LRRC4C: variants seen among roughly 807,000 people sequenced by gnomAD.
LRRC4C encodes the protein leucine-rich repeat-containing protein 4C.
In LRRC4C, 5 loss-of-function variants were observed where a neutral mutation model predicts 33.6. That is an observed-to-expected ratio of 0.15 (90% confidence interval 0.08 to 0.31). The LOEUF is 0.31. Ranked by LOEUF, LRRC4C falls within the 10% of genes least tolerant of loss-of-function variation. LRRC4C has a pLI of 1.00. For missense variants in LRRC4C, 560 were observed against 796.7 expected (o/e 0.70, Z 3.58); for synonymous variants, 329 against 302.0 (o/e 1.09, Z -0.93).
At position 40,436,967 on chromosome 11, in the gene LRRC4C, G is replaced by A. The variant is rs549759708; in HGVS notation, c.-269-117246C>T. Among the ~76,000 whole-genome samples, 10 of 152,280 alleles carry A rather than the reference G, an allele frequency of 6.6e-5. No homozygotes were observed. The South Asian group carries it at 8.3e-4, about 13-fold the overall frequency. On this transcript the variant is annotated intron_variant, in intron 3 of 6. Transcript: ENST00000528697. ...AGAGGTGGTTTGGGATCAGTAGTTC[G>A]AGCTCGGGGGAGGATGGTCCACTTT...
chr11:41,354,781 G>A (rs1032339173), intron 1 of LRRC4C, among the ~76,000 whole-genome samples: 7 of 152,030 alleles, frequency 4.6e-5, no homozygotes, highest in African/African-American at 1.7e-4. Context: ...AATAAATAAT[G>A]GAATAACTGG....
intron 3 of LRRC4C, among the ~76,000 whole-genome samples, chr11:40,359,549 T>C (rs990597835): frequency 2.0e-4 from 30 of 152,168 alleles, no homozygotes; most frequent in African/African-American, 7.2e-4. Flanking sequence ...CTGGTCCTTA[T>C]CTCATGACTA....
At chr11:40,869,548 G>A (rs1423719782) in intron 2 of LRRC4C, among the ~76,000 whole-genome samples, 3 of 152,084 alleles carry the variant, frequency 2.0e-5, no homozygotes, top group Non-Finnish European at 4.4e-5. Flanking sequence ...GCTCAAGCAC[G>A]TTCACTAAAA....
chr11:40,115,624 C>T lies in LRRC4C; in HGVS notation c.669G>A (p.Glu223=), dbSNP rs1590405981. ...PNLTPLIKLD[E]LDLSGNHLSA... is the part of the protein sequence containing the mutation. The stretch of plus-strand genomic sequence containing the variant: ...ATAAATGATTCCCAGAAAGATCCAG[C>T]TCATCTAGTTTTATGAGCGGTGTGA... Residue 223 remains glutamate (E), a synonymous_variant, in exon 7 of 7, where the codon GAG becomes GAA. Transcript: ENST00000528697. The surrounding 1 kb of genome is among the most constrained non-coding windows in gnomAD (Gnocchi z 6.7). 2.5e-6 allele frequency: 4 copies of T among 1,614,192 alleles called. No individual in the cohort carries two copies. Among genetic ancestry groups the T allele is most frequent in the South Asian group, 1.1e-5 (1 of 91,084 alleles).
intron 6 of LRRC4C, among the ~76,000 whole-genome samples, chr11:40,133,025 T>C (rs190857700): frequency 6.6e-6 from 1 of 152,316 alleles, no homozygotes; most frequent in African/African-American, 2.4e-5. Context: ...CTAAGAAGAC[T>C]ATCTGAAACG....
chr11:40,342,610 T>G (rs1946920959), intron 3 of LRRC4C, among the ~76,000 whole-genome samples: 1 of 152,076 alleles, frequency 6.6e-6, no homozygotes. Context: ...TTAAAACACA[T>G]AAAAATTATA....
intron 2 of LRRC4C, among the ~76,000 whole-genome samples, chr11:40,743,353 T>C (rs1948254828): frequency 6.6e-6 from 1 of 152,046 alleles, no homozygotes; most frequent in Non-Finnish European, 1.5e-5. Context: ...TATCATAAGC[T>C]GTTGGCTTAA....
At chr11:40,899,970 C>A (rs1373201823) in intron 2 of LRRC4C, among the ~76,000 whole-genome samples, 5 of 152,050 alleles carry the variant, frequency 3.3e-5, no homozygotes, top group Admixed American at 2.0e-4. Flanking sequence ...ATATCCTGTA[C>A]CCCAATAGTC....
chr11:40,869,668 CCA>C (rs942076269), intron 2 of LRRC4C, among the ~76,000 whole-genome samples: 34 of 152,214 alleles, frequency 2.2e-4, no homozygotes, highest in South Asian at 2.1e-3. Flanking sequence ...TGCTCACCTC[CCA>C]CACACTAGCA....
intron 5 of LRRC4C, among the ~76,000 whole-genome samples, chr11:40,170,654 T>C (rs1357247111): frequency 1.3e-5 from 2 of 152,138 alleles, no homozygotes; most frequent in Non-Finnish European, 2.9e-5. Flanking sequence ...AATCCAAGGA[T>C]TGTAAAATCT....
intron 2 of LRRC4C, among the ~76,000 whole-genome samples, chr11:40,727,113 C>G (rs949664452): frequency 1.3e-5 from 2 of 152,092 alleles, no homozygotes; most frequent in African/African-American, 4.8e-5. Context: ...AGATTTGAGA[C>G]ATAGTTGAGA....
chr11:40,872,867 C>T (rs1003338145), intron 2 of LRRC4C, among the ~76,000 whole-genome samples: 3 of 152,148 alleles, frequency 2.0e-5, no homozygotes, highest in Admixed American at 2.0e-4. Context: ...GAATCAGGAT[C>T]ACATTTTTTA....
chr11:41,139,730 T>A (rs989579163), intron 1 of LRRC4C, among the ~76,000 whole-genome samples: 1 of 152,014 alleles, frequency 6.6e-6, no homozygotes, highest in African/African-American at 2.4e-5. Context: ...AGCAGTTGGA[T>A]CCCTTTCTTT....
chr11:40,466,969 T>C (rs926459340), intron 3 of LRRC4C, among the ~76,000 whole-genome samples: 2 of 152,138 alleles, frequency 1.3e-5, no homozygotes, highest in Admixed American at 1.3e-4. Flanking sequence ...AATTGTACTT[T>C]TGTTTGATGA....
Position 40,676,187 on chromosome 11 carries a change from C to T in LRRC4C, c.-406-27909G>A, listed in dbSNP as rs530937301. Reference sequence around the variant, plus strand: ...CAACTAGATGATGAAGACTGAACAACGTTAACTTTTTGGCTGCTCTTAAGG... The same window carrying T: ...CAACTAGATGATGAAGACTGAACAATGTTAACTTTTTGGCTGCTCTTAAGG... On this transcript the variant is annotated intron_variant, in intron 2 of 6. Transcript: ENST00000528697. 1.7e-4 allele frequency among the ~76,000 whole-genome samples: 26 copies of T among 152,236 alleles called. No homozygotes were observed. The South Asian group carries it at 5.2e-3, about 30-fold the overall frequency.
chr11:41,159,311 A>G (rs1944364697), intron 1 of LRRC4C, among the ~76,000 whole-genome samples: 1 of 152,104 alleles, frequency 6.6e-6, no homozygotes, highest in Non-Finnish European at 1.5e-5. Flanking sequence ...AAATACATAA[A>G]AATAAAACAT....
chr11:41,371,825 G>C (rs1405892505), intron 1 of LRRC4C, among the ~76,000 whole-genome samples: 3 of 152,172 alleles, frequency 2.0e-5, no homozygotes, highest in Non-Finnish European at 4.4e-5. Flanking sequence ...CTGCCACACT[G>C]ACTTCCTCCA....
chr11:40,577,014 G>T (rs1455109922), intron 3 of LRRC4C, among the ~76,000 whole-genome samples: 1 of 152,112 alleles, frequency 6.6e-6, no homozygotes, highest in Non-Finnish European at 1.5e-5. Flanking sequence ...TGTCAGATTA[G>T]ACTCTAGAAT....
intron 2 of LRRC4C, among the ~76,000 whole-genome samples, chr11:40,667,632 G>C (rs1246760632): frequency 6.6e-6 from 1 of 152,216 alleles, no homozygotes; most frequent in East Asian, 1.9e-4. Flanking sequence ...GAGAGTCTAA[G>C]AGGAACTATG....
Sources: allele counts gnomAD v4.1 joint callset (sites outside exome capture counted in the v4.1 genomes callset), GRCh38; gene constraint gnomAD v4.1.1; non-coding constraint Gnocchi (gnomAD v3.1); transcripts MANE v1.5; gene names NCBI Gene and HGNC (gene_info 2026-07-23, HGNC 2026-07-21).